The following CCSER1 variants were observed in gnomAD, a reference collection of about 807,000 sequenced individuals.
CCSER1 encodes coiled-coil serine rich protein 1.
Under a neutral mutation model 82.0 loss-of-function variants are expected in CCSER1, and 41 were observed. The ratio of observed to expected loss-of-function variants is 0.50; its 90% CI spans 0.39 to 0.65. CCSER1 has a LOEUF of 0.65. CCSER1 is among the 30% of genes least tolerant of loss of function. CCSER1 has a pLI of 0.00. For synonymous variants in CCSER1, 414 were observed against 383.9 expected (o/e 1.08, Z -0.92); for missense variants, 1,119 against 1,064.2 (o/e 1.05, Z -0.72).
chr4:90,508,849 T>C (rs991208738), intron 5 of CCSER1, among the ~76,000 whole-genome samples: 1 of 152,086 alleles, frequency 6.6e-6, no homozygotes, highest in African/African-American at 2.4e-5. Flanking sequence ...AATAACTTTA[T>C]CTTAAAGGTT....
At chr4:90,245,683 G>A (rs745962462) in intron 1 of CCSER1, among the ~76,000 whole-genome samples, 24 of 152,226 alleles carry the variant, frequency 1.6e-4, no homozygotes, top group African/African-American at 5.3e-4. Context: ...ACAGTTTATA[G>A]TGTTTCTGTT....
intron 10 of CCSER1, among the ~76,000 whole-genome samples, chr4:91,119,612 A>G (rs1726917153): frequency 6.6e-6 from 1 of 152,010 alleles, no homozygotes; most frequent in South Asian, 2.1e-4. Context: ...TAGTCTGAGA[A>G]GTCATTTGTA....
At chr4:90,249,934 T>A (rs908816796) in intron 1 of CCSER1, among the ~76,000 whole-genome samples, 1 of 152,114 alleles carries the variant, frequency 6.6e-6, no homozygotes, top group Non-Finnish European at 1.5e-5. Flanking sequence ...ATTATAACCA[T>A]CCTAGTGGGC....
At chr4:91,049,776 T>C (rs554862023) in intron 9 of CCSER1, among the ~76,000 whole-genome samples, 7 of 152,350 alleles carry the variant, frequency 4.6e-5, no homozygotes, top group Non-Finnish European at 1.0e-4. Context: ...ATCAATTTTA[T>C]GCAATTTTAT....
At chr4:90,895,606 A>T (rs1723591036) in intron 8 of CCSER1, among the ~76,000 whole-genome samples, 1 of 151,956 alleles carries the variant, frequency 6.6e-6, no homozygotes, top group Non-Finnish European at 1.5e-5. Flanking sequence ...GTATAAAATC[A>T]TTTACATTTT....
intron 6 of CCSER1, among the ~76,000 whole-genome samples, chr4:90,643,831 ATGT>A (rs1356827408): frequency 2.0e-5 from 3 of 152,052 alleles, no homozygotes; most frequent in African/African-American, 4.8e-5. Flanking sequence ...AATCATATAA[ATGT>A]TGTTGTAAAG....
intron 9 of CCSER1, among the ~76,000 whole-genome samples, chr4:90,999,925 T>C (rs1411123337): frequency 3.4e-4 from 51 of 151,012 alleles, no homozygotes; most frequent in African/African-American, 1.1e-3. Context: ...TGAGGTCTTA[T>C]ATTTAAATCT....
intron 10 of CCSER1, among the ~76,000 whole-genome samples, chr4:91,170,013 A>G (rs1358232751): frequency 2.6e-5 from 4 of 152,224 alleles, no homozygotes; most frequent in African/African-American, 2.4e-5. Flanking sequence ...AGCACATTTC[A>G]CTGACTGACC....
At chr4:90,900,094 GTTTT>G (rs70963096) in intron 8 of CCSER1, among the ~76,000 whole-genome samples, 1 of 102,156 alleles carries the variant, frequency 9.8e-6, no homozygotes, top group African/African-American at 3.4e-5. Flanking sequence ...TGGTCCCAGA[GTTTT>G]TTTTTTTTTT....
At chr4:90,151,348 T>A (rs1726806368) in intron 1 of CCSER1, among the ~76,000 whole-genome samples, 1 of 151,854 alleles carries the variant, frequency 6.6e-6, no homozygotes, top group Non-Finnish European at 1.5e-5. Flanking sequence ...TGTATCAATT[T>A]TAATTTAGGT....
chr4:90,268,557 T>TA (rs1164962437), intron 1 of CCSER1, among the ~76,000 whole-genome samples: 16 of 151,198 alleles, frequency 1.1e-4, no homozygotes, highest in Admixed American at 4.6e-4. Context: ...ACACAAAAAA[T>TA]AAAAAACAAG....
At chr4:90,862,316 C>T (rs924638057) in intron 8 of CCSER1, among the ~76,000 whole-genome samples, 7 of 151,712 alleles carry the variant, frequency 4.6e-5, no homozygotes, top group African/African-American at 9.7e-5. Flanking sequence ...TAATTATGTA[C>T]GTTAGAAACA....
intron 1 of CCSER1, among the ~76,000 whole-genome samples, chr4:90,234,113 C>G (rs1266240519): frequency 6.6e-6 from 1 of 151,888 alleles, no homozygotes; most frequent in Non-Finnish European, 1.5e-5. Flanking sequence ...CTTTGTATTT[C>G]CAGACCTCTT....
intron 10 of CCSER1, among the ~76,000 whole-genome samples, chr4:91,134,879 G>GT (rs1359762361): frequency 7.9e-5 from 12 of 152,170 alleles, no homozygotes; most frequent in African/African-American, 2.9e-4. Context: ...GGCCAACATG[G>GT]TGAAACCCCA....
chr4:91,250,074 T>C (rs1740137645), intron 10 of CCSER1, among the ~76,000 whole-genome samples: 1 of 152,198 alleles, frequency 6.6e-6, no homozygotes. Flanking sequence ...TCCCTTAAAC[T>C]CTTTCTGCTT....
intron 9 of CCSER1, among the ~76,000 whole-genome samples, chr4:91,014,474 T>C (rs1192976068): frequency 2.2e-5 from 3 of 134,310 alleles, no homozygotes; most frequent in Non-Finnish European, 3.5e-5. Flanking sequence ...TAAAATCTGC[T>C]ACATTCTTTA....
At chr4:90,275,580 T>C (rs961135076) in intron 1 of CCSER1, among the ~76,000 whole-genome samples, 2 of 152,104 alleles carry the variant, frequency 1.3e-5, no homozygotes, top group African/African-American at 4.8e-5. Flanking sequence ...TAGTGCCCCT[T>C]CGACAAAAAT....
At chr4:90,860,447 T>A (rs1764952062) in intron 8 of CCSER1, among the ~76,000 whole-genome samples, 1 of 151,686 alleles carries the variant, frequency 6.6e-6, no homozygotes, top group African/African-American at 2.4e-5. Flanking sequence ...TTTTAATTTT[T>A]AAAAATGTTA....
At chr4:90,366,004 T>C (rs1262873273) in intron 3 of CCSER1, among the ~76,000 whole-genome samples, 1 of 151,790 alleles carries the variant, frequency 6.6e-6, no homozygotes, top group Non-Finnish European at 1.5e-5. Flanking sequence ...AGCCAAATAT[T>C]ACATTTCAAT....
Sources: allele counts gnomAD v4.1 joint callset (sites outside exome capture counted in the v4.1 genomes callset), GRCh38; gene constraint gnomAD v4.1.1; transcripts MANE v1.5; gene names NCBI Gene and HGNC (gene_info 2026-07-23, HGNC 2026-07-21).